The following NEUROD4 variants were observed in gnomAD, a reference collection of about 807,000 sequenced individuals.
NEUROD4 encodes neuronal differentiation 4.
NEUROD4 carries 16 observed loss-of-function variants against 19.8 expected under a neutral mutation model. The observed-to-expected ratio is 0.81, with a 90% CI of 0.55 to 1.23. The LOEUF is 1.23. Among genes scored for constraint, NEUROD4 ranks in the 50% most tolerant of loss-of-function variants. The probability of loss-of-function intolerance (pLI) is 0.00; values close to 1 mark genes in which losing one functional copy is unlikely to be tolerated. For missense variants in NEUROD4, 439 were observed against 398.6 expected, an observed-to-expected ratio of 1.10 and a Z score of -0.86; for synonymous variants, 153 against 147.9, an observed-to-expected ratio of 1.03 and a Z score of -0.25.
At position 55,027,327 on chromosome 12, in the gene NEUROD4, T is replaced by C. The variant is rs1478386465; in HGVS notation, c.888T>C (p.Thr296=). The C allele has an allele frequency of 1.9e-6, 3 of 1,614,082 alleles. No homozygotes were observed. In the South Asian group the frequency reaches 3.3e-5, roughly 18 times the overall value. ...SSLSSGHVHS[T]PFQAGTPRYD... is the part of the protein sequence containing the mutation. ...TAAGCTCAGGGCATGTGCATTCAAC[T>C]CCTTTTCAGGCTGGTACCCCCCGTT... Residue 296 remains threonine, a synonymous_variant, in exon 2 of 2, where the codon ACT becomes ACC. Transcript: ENST00000242994.
At chr12:55,022,372 CAT>C (rs1357437112) in intron 1 of NEUROD4, among the ~76,000 whole-genome samples, 2 of 152,088 alleles carry the variant, frequency 1.3e-5, no homozygotes, top group African/African-American at 4.8e-5. Flanking sequence ...TCACAGTACA[CAT>C]ATTTTCAACA....
intron 1 of NEUROD4, among the ~76,000 whole-genome samples, chr12:55,023,356 A>G (rs1309693252): frequency 6.6e-6 from 1 of 152,206 alleles, no homozygotes; most frequent in Non-Finnish European, 1.5e-5. Flanking sequence ...TTTTTGAATA[A>G]GCAAACGTGT....
rs1198312506 is a variant in NEUROD4, at chr12:55,027,907, A to G, written c.*472A>G. The G allele has an allele frequency of 5.9e-6, 1 of 169,210 alleles. No individual in the cohort carries two copies. Among genetic ancestry groups the G allele is most frequent in the East Asian group, 1.9e-4 (1 of 5,240 alleles). 10.5% of individuals were successfully genotyped at this position (169,210 alleles called of 1,614,324 possible). Reference sequence around the variant, plus strand: ...GACAATTTCTTGAAACTGAAAGAATAGAGAAATAATAGGAAAGGGATGCTA... The same window carrying G: ...GACAATTTCTTGAAACTGAAAGAATGGAGAAATAATAGGAAAGGGATGCTA... On this transcript the variant is annotated 3_prime_UTR_variant, in exon 2 of 2. Transcript: ENST00000242994.
In NEUROD4 at chr12:55,029,587, A is replaced by G. The variant is rs1181465157; in HGVS notation, c.*2152A>G. ...CTTCCTAAAATTTTATTTGGAAAGT[A>G]GCTCATAATTTTGCTAAGAACTGCT... On this transcript the variant is annotated 3_prime_UTR_variant, in exon 2 of 2. Coordinates refer to ENST00000242994, the MANE Select transcript of NEUROD4 (RefSeq NM_021191.3). 2 of 167,110 alleles carry G rather than the reference A, an allele frequency of 1.2e-5. No homozygotes were observed. The highest frequency in any genetic ancestry group is 2.1e-4 in the South Asian group (1 of 4,830). 10.4% of individuals were successfully genotyped at this position (167,110 alleles called of 1,614,324 possible). A position where few individuals can be genotyped will look rare whatever the true frequency, so the allele number is the denominator to read the frequency against.
rs764006660 is a variant in NEUROD4 at position 55,026,681 on chromosome 12, G to A, written c.242G>A (p.Arg81His). The A allele has an allele frequency of 1.1e-5, 18 of 1,613,998 alleles. No homozygotes were observed. The highest frequency in any genetic ancestry group is 2.2e-5 in the East Asian group (1 of 44,880). Residue 81 changes from arginine (R) to histidine (H), a missense_variant, in exon 2 of 2, where the codon CGC (arginine) becomes CAC (histidine). By Grantham distance (29) the Arg-to-His change is conservative. Transcript: ENST00000242994. ...AAGAAAAAGAAGATGACCAAAGCTC[G>A]CCTTGAGAGATTCAGGGCTCGAAGA... is the stretch of plus-strand genomic sequence containing the variant. ...GPKKKKMTKA[R>H]LERFRARRVK...
intron 1 of NEUROD4, among the ~76,000 whole-genome samples, chr12:55,021,797 C>A (rs551573448): frequency 6.6e-6 from 1 of 152,152 alleles, no homozygotes; most frequent in East Asian, 1.9e-4. Flanking sequence ...AATCCAAATA[C>A]CAAATGGCTA....
Position 55,029,913 on chromosome 12 carries a change from G to A in NEUROD4, c.*2478G>A, listed in dbSNP as rs773758652. The A allele has an allele frequency of 6.0e-6, 1 of 167,012 alleles. No homozygotes were observed. Among genetic ancestry groups the A allele is most frequent in the East Asian group, 1.9e-4 (1 of 5,200 alleles). The allele number at this position is 167,012 out of a possible 1,614,324, so 10.3% of individuals were successfully genotyped here. A position where few individuals can be genotyped will look rare whatever the true frequency, so the allele number is the denominator to read the frequency against. On this transcript the variant is annotated 3_prime_UTR_variant, in exon 2 of 2. Coordinates refer to ENST00000242994, the MANE Select transcript of NEUROD4 (RefSeq NM_021191.3). ...CATAGGGTGGTCTCATTCTTCTGGA[G>A]ACTTTTTTAGATAAAGTAAAATAAT...
intron 1 of NEUROD4, among the ~76,000 whole-genome samples, chr12:55,025,372 C>CCACTAGTTA (rs1222574888): frequency 1.2e-3 from 186 of 152,182 alleles, no homozygotes; most frequent in African/African-American, 4.4e-3. Context: ...TCCACTAGTT[C>CCACTAGTTA]CACTAGTATT....
In NEUROD4 at chr12:55,026,432, G is replaced by A. The variant is rs375978296; in HGVS notation, c.-8G>A. 215 of 1,596,324 alleles carry A rather than the reference G, an allele frequency of 1.3e-4. No homozygotes were observed. Among genetic ancestry groups the A allele is most frequent in the Non-Finnish European group, 1.7e-4 (196 of 1,172,640 alleles). Reference sequence around the variant, plus strand: ...ACCTTTGATATTTCCCTTTTCCAGAGTCTGGAAATGTCAAAAACTTTTGTA... The same window carrying A: ...ACCTTTGATATTTCCCTTTTCCAGAATCTGGAAATGTCAAAAACTTTTGTA... On this transcript the variant is annotated splice_region_variant and 5_prime_UTR_variant, in exon 2 of 2. Coordinates refer to ENST00000242994, the MANE Select transcript of NEUROD4 (RefSeq NM_021191.3).
rs758025089 is a variant in NEUROD4, at chr12:55,027,111, CA to C, written c.674del (p.Lys225SerfsTer33). The stretch of plus-strand genomic sequence containing the variant: ...ATATGGAAACACATCTCCTTCATCT[CA>C]AGCCCCAAGTATTCAAGAGTTTGGG... The part of the protein sequence containing the change: ...GHMETHLLHL[K>X]PQVFKSLGES... On this transcript the variant is annotated frameshift_variant, in exon 2 of 2. Coordinates refer to ENST00000242994, the MANE Select transcript of NEUROD4 (RefSeq NM_021191.3). LOFTEE classifies it high-confidence loss of function. The C allele has an allele frequency of 5.6e-6, 9 of 1,614,048 alleles. No homozygotes were observed. In the Admixed American group the frequency reaches 1.0e-4, roughly 18 times the overall value.
In NEUROD4 at chr12:55,027,289, C is replaced by A. The variant is rs144650862; in HGVS notation, c.850C>A (p.Pro284Thr). Residue 284 changes from proline to threonine, a missense_variant, in exon 2 of 2, where the codon CCT becomes ACT. Transcript: ENST00000242994. ...ATCCTACAGCTTCATGCCACATTAC[C>A]CTTCTTCAAGTCTAAGCTCAGGGCA... ...EKSYSFMPHY[P>T]SSSLSSGHVH... 230 of 1,614,080 alleles carry A rather than the reference C, an allele frequency of 1.4e-4. 1 individual carries two copies. In the African/African-American group the frequency reaches 2.7e-3, roughly 19 times the overall value.
In NEUROD4 at chr12:55,026,597, G is replaced by T; in HGVS notation, c.158G>T (p.Ser53Ile). 6.2e-7 allele frequency: 1 copy of T among 1,613,914 alleles called. No homozygotes were observed. The highest frequency in any genetic ancestry group is 8.5e-7 in the Non-Finnish European group (1 of 1,179,882). ...MLSSLTEEHD[S>I]IEEEEEEEED... is the part of the protein sequence containing the mutation. ...AGCAGCTTAACTGAAGAGCATGACA[G>T]TATTGAGGAAGAAGAAGAAGAGGAA... is the stretch of plus-strand genomic sequence containing the variant. Residue 53 changes from serine to isoleucine, a missense_variant, in exon 2 of 2, where the codon AGT becomes ATT. By Grantham distance (142) the Ser-to-Ile change is moderately radical. Coordinates refer to ENST00000242994, the MANE Select transcript of NEUROD4 (RefSeq NM_021191.3).
chr12:55,020,966 G>T (rs1327819102), intron 1 of NEUROD4, among the ~76,000 whole-genome samples: 1 of 151,976 alleles, frequency 6.6e-6, no homozygotes, highest in Non-Finnish European at 1.5e-5. Context: ...CTCATCATTT[G>T]CCCGCAAAAA....
chr12:55,025,711 T>C (rs886528993), intron 1 of NEUROD4, among the ~76,000 whole-genome samples: 3 of 152,198 alleles, frequency 2.0e-5, no homozygotes, highest in Admixed American at 2.0e-4. Context: ...GGTCACGTGT[T>C]GGACCAGCCA....
intron 1 of NEUROD4, among the ~76,000 whole-genome samples, 173 bp from the exon 2 acceptor site, chr12:55,026,258 T>C (rs1952727000): frequency 6.6e-6 from 1 of 152,216 alleles, no homozygotes; most frequent in Admixed American, 6.5e-5. Context: ...TTTTCTATAA[T>C]ATATTTTCTT....
intron 1 of NEUROD4, among the ~76,000 whole-genome samples, chr12:55,024,856 C>A (rs556125257): frequency 6.6e-6 from 1 of 152,318 alleles, no homozygotes; most frequent in South Asian, 2.1e-4. Flanking sequence ...TTTCGCAATG[C>A]AGTTACATTA....
At chr12:55,021,160 G>A (rs1237466115) in intron 1 of NEUROD4, among the ~76,000 whole-genome samples, 1 of 152,128 alleles carries the variant, frequency 6.6e-6, no homozygotes, top group Admixed American at 6.5e-5. Flanking sequence ...GACAAAATGT[G>A]TGTGTATGTG....
rs770309904 is a variant in NEUROD4, at chr12:55,027,346, C to T, written c.907C>T (p.Pro303Ser). 6.2e-6 allele frequency: 10 copies of T among 1,614,044 alleles called. No individual in the cohort carries two copies. Among genetic ancestry groups the T allele is most frequent in the South Asian group, 1.1e-5 (1 of 91,076 alleles). ...VHSTPFQAGT[P>S]RYDVPIDMSY... The stretch of plus-strand genomic sequence containing the variant: ...TTCAACTCCTTTTCAGGCTGGTACC[C>T]CCCGTTATGATGTTCCTATAGACAT... The change falls in exon 2 of 2, where the codon CCC becomes TCC. Residue 303 changes from proline to serine, a missense_variant. Pro to Ser is a moderately conservative substitution (Grantham distance 74). Transcript: ENST00000242994.
rs780669757 is a variant in NEUROD4 at position 55,026,538 on chromosome 12, G to A, written c.99G>A (p.Glu33=). 2.5e-5 allele frequency: 41 copies of A among 1,613,784 alleles called. No homozygotes were observed. Among genetic ancestry groups the A allele is most frequent in the Non-Finnish European group, 3.4e-5 (40 of 1,179,882 alleles). ...TGGGCTCCCAAAATGAGGTGAAGGA[G>A]GAAGAGAGCAGACCAGGTACTTATG... ...KGLGSQNEVK[E]EESRPGTYGM... is the part of the protein sequence containing the mutation. The change falls in exon 2 of 2, where the codon GAG becomes GAA. Residue 33 remains glutamate, a synonymous_variant. Transcript: ENST00000242994.
Sources: gnomAD v4.1 joint callset for allele counts (sites outside exome capture counted in the v4.1 genomes callset) on GRCh38, gnomAD v4.1.1 for gene constraint, MANE v1.5 for transcripts, NCBI Gene and HGNC (gene_info 2026-07-23, HGNC 2026-07-21) for gene names.